ZNF804A: variants seen among roughly 807,000 people sequenced by gnomAD.
The protein encoded by ZNF804A is zinc finger protein 804A.
Under a neutral mutation model 16.5 loss-of-function variants are expected in ZNF804A, and 2 were observed. That is an observed-to-expected ratio of 0.12 (90% CI 0.05 to 0.38). The LOEUF is 0.38. Among genes scored for constraint, ZNF804A ranks in the 10% least tolerant of loss-of-function variants. ZNF804A has a pLI of 0.99. For synonymous variants in ZNF804A, 534 were observed against 489.6 expected (o/e 1.09, Z -1.20); for missense variants, 1,473 against 1,390.7 (o/e 1.06, Z -0.94).
At chr2:184,921,782 A>G (rs1168551815) in intron 2 of ZNF804A, among the ~76,000 whole-genome samples, 1 of 151,808 alleles carries the variant, frequency 6.6e-6, no homozygotes. Context: ...CCCCAGCTAC[A>G]CTTTCCAGGT....
chr2:184,620,321 A>C (rs1691397374), intron 1 of ZNF804A, among the ~76,000 whole-genome samples: 1 of 151,798 alleles, frequency 6.6e-6, no homozygotes, highest in Non-Finnish European at 1.5e-5. Context: ...ATATTGCTTA[A>C]TTTTCTGCTA....
intron 2 of ZNF804A, among the ~76,000 whole-genome samples, chr2:184,900,336 G>T (rs72907747): frequency 6.6e-6 from 1 of 152,042 alleles, no homozygotes; most frequent in Non-Finnish European, 1.5e-5. Context: ...GAAATGCTGC[G>T]TATCAATGGT....
intron 1 of ZNF804A, among the ~76,000 whole-genome samples, chr2:184,611,193 G>A (rs1436091611): frequency 6.6e-6 from 1 of 151,996 alleles, no homozygotes. Flanking sequence ...CTGTTATGAG[G>A]GTGGAGTTCT....
At chr2:184,816,050 G>A (rs997033763) in intron 1 of ZNF804A, among the ~76,000 whole-genome samples, 9 of 151,996 alleles carry the variant, frequency 5.9e-5, no homozygotes, top group Admixed American at 6.6e-5. Context: ...CACAGAGCCA[G>A]GAACATAACA....
chr2:184,904,232 A>G (rs1259876652), intron 2 of ZNF804A, among the ~76,000 whole-genome samples: 1 of 152,094 alleles, frequency 6.6e-6, no homozygotes. Flanking sequence ...AATAAGTGAA[A>G]CAGCAAAGGA....
At chr2:184,674,936 A>C (rs1261284274) in intron 1 of ZNF804A, among the ~76,000 whole-genome samples, 1 of 151,884 alleles carries the variant, frequency 6.6e-6, no homozygotes, top group Non-Finnish European at 1.5e-5. Context: ...TTAATTGATG[A>C]ACATAAAATA....
intron 1 of ZNF804A, among the ~76,000 whole-genome samples, chr2:184,666,609 T>C (rs2105709659): frequency 6.6e-6 from 1 of 152,214 alleles, no homozygotes; most frequent in Admixed American, 6.5e-5. Context: ...GTTGTGTGAA[T>C]GTTTTCTTAT....
At chr2:184,848,439 C>T (rs72905751) in intron 1 of ZNF804A, among the ~76,000 whole-genome samples, 1 of 151,838 alleles carries the variant, frequency 6.6e-6, no homozygotes, top group African/African-American at 2.4e-5. Context: ...TAAATTTTCT[C>T]TTTATATTAA....
intron 1 of ZNF804A, among the ~76,000 whole-genome samples, chr2:184,659,022 A>C (rs1692125001): frequency 6.6e-6 from 1 of 152,188 alleles, no homozygotes; most frequent in Non-Finnish European, 1.5e-5. Context: ...AAATAAAGGA[A>C]GGAGTGGCTT....
chr2:184,696,320 C>T (rs777665782), intron 1 of ZNF804A, among the ~76,000 whole-genome samples: 2 of 152,084 alleles, frequency 1.3e-5, no homozygotes, highest in Non-Finnish European at 2.9e-5. Flanking sequence ...CAGGCAACAA[C>T]ATCAAATCCA....
intron 2 of ZNF804A, among the ~76,000 whole-genome samples, chr2:184,914,857 TA>T (rs1685420710): frequency 6.6e-6 from 1 of 151,880 alleles, no homozygotes. Flanking sequence ...CTAACCCATA[TA>T]GATTTCATGG....
Position 184,938,158 on chromosome 2 carries a change from C to T in ZNF804A, c.2762C>T (p.Ala921Val). The T allele has an allele frequency of 3.1e-6, 5 of 1,614,122 alleles. No individual in the cohort carries two copies. The South Asian group carries it at 3.3e-5, about 11-fold the overall frequency. ...SNDPTTSVCV[A>V]SAPTKEAIDN... ...GATCCCACCACATCTGTCTGTGTAG[C>T]TAGTGCCCCAACAAAAGAAGCAATT... Residue 921 changes from alanine to valine, a missense_variant, in exon 4 of 4, where the codon GCT becomes GTT. Physicochemically the swap from Ala to Val is moderately conservative, Grantham distance 64. Transcript: ENST00000302277.
intron 2 of ZNF804A, among the ~76,000 whole-genome samples, chr2:184,891,863 C>T (rs1323115558): frequency 1.3e-5 from 2 of 152,106 alleles, no homozygotes; most frequent in African/African-American, 2.4e-5. Context: ...TATAAATTGA[C>T]GTGACCTTGA....
intron 1 of ZNF804A, among the ~76,000 whole-genome samples, chr2:184,855,615 T>TACACAC (rs4017731): frequency 8.3e-6 from 1 of 120,658 alleles, no homozygotes; most frequent in Non-Finnish European, 1.6e-5. Context: ...TATATATATA[T>TACACAC]ACACACACAC....
intron 2 of ZNF804A, among the ~76,000 whole-genome samples, chr2:184,902,912 A>G (rs1373420676): frequency 6.6e-6 from 1 of 152,236 alleles, no homozygotes; most frequent in South Asian, 2.1e-4. Flanking sequence ...AGGAATGTAC[A>G]GTTACAAGGT....
intron 2 of ZNF804A, among the ~76,000 whole-genome samples, chr2:184,905,089 GTGTC>G (rs1413922541): frequency 9.6e-6 from 1 of 104,278 alleles, no homozygotes; most frequent in Non-Finnish European, 2.2e-5. Flanking sequence ...CTAGATTAGA[GTGTC>G]TGTGTGTGTG....
chr2:184,730,120 A>AT (rs1693488495), intron 1 of ZNF804A, among the ~76,000 whole-genome samples: 1 of 151,994 alleles, frequency 6.6e-6, no homozygotes, highest in Admixed American at 6.6e-5. Context: ...AATCTCAGGG[A>AT]TTTTTTTCTT....
chr2:184,656,522 G>C (rs545123153), intron 1 of ZNF804A, among the ~76,000 whole-genome samples: 1 of 152,180 alleles, frequency 6.6e-6, no homozygotes, highest in Admixed American at 6.5e-5. Context: ...CATATACCAG[G>C]AATGGATTGA....
At chr2:184,786,295 C>T (rs1574211869) in intron 1 of ZNF804A, among the ~76,000 whole-genome samples, 1 of 111,654 alleles carries the variant, frequency 9.0e-6, no homozygotes, top group African/African-American at 3.5e-5. Context: ...TTCTTGTGTT[C>T]TTCTGTTTTT....
Sources: gnomAD v4.1 joint callset for allele counts (sites outside exome capture counted in the v4.1 genomes callset) on GRCh38, gnomAD v4.1.1 for gene constraint, MANE v1.5 for transcripts, NCBI Gene and HGNC (gene_info 2026-07-23, HGNC 2026-07-21) for gene names.